SSX2IP: variants seen among roughly 807,000 people sequenced by gnomAD.
SSX2IP encodes the protein afadin- and alpha-actinin-binding protein.
SSX2IP carries 55 observed loss-of-function variants against 84.9 expected under a neutral mutation model. The ratio of observed to expected loss-of-function variants is 0.65; its 90% confidence interval spans 0.52 to 0.81. The LOEUF is 0.81. Ranked by LOEUF, SSX2IP falls within the 30% of genes least tolerant of loss-of-function variation. The pLI is 0.00. For missense variants in SSX2IP, 664 were observed against 705.2 expected (o/e 0.94, Z 0.66); for synonymous variants, 239 against 234.7 (o/e 1.02, Z -0.17).
chr1:84,661,806 ATGTGTGATAC>A (rs1196752365), intron 8 of SSX2IP, among the ~76,000 whole-genome samples: 1 of 152,224 alleles, frequency 6.6e-6, no homozygotes, highest in Non-Finnish European at 1.5e-5. Flanking sequence ...TAGCACTGTC[ATGTGTGATAC>A]TGGGCTACTA....
intron 11 of SSX2IP, among the ~76,000 whole-genome samples, chr1:84,653,312 T>C (rs1338929289): frequency 6.6e-6 from 1 of 152,202 alleles, no homozygotes; most frequent in Non-Finnish European, 1.5e-5. Flanking sequence ...TCTCTCATCC[T>C]CTAGCCATCT....
chr1:84,671,096 G>A (rs781109982), intron 2 of SSX2IP, 81 bp downstream of exon 2: 2 of 1,486,668 alleles, frequency 1.3e-6, no homozygotes, highest in Non-Finnish European at 1.8e-6. Context: ...TTCAACATCT[G>A]CAGTAATTAT....
chr1:84,677,431 C>T (rs1277937985), intron 1 of SSX2IP, among the ~76,000 whole-genome samples: 2 of 152,110 alleles, frequency 1.3e-5, no homozygotes, highest in African/African-American at 2.4e-5. Context: ...ACCCCAAAGA[C>T]GAAGAGGTTC....
chr1:84,653,836 A>C (rs547762430), intron 11 of SSX2IP, among the ~76,000 whole-genome samples: 9 of 149,606 alleles, frequency 6.0e-5, no homozygotes, highest in Non-Finnish European at 7.4e-5. Context: ...AATTCAACAG[A>C]TGAAAGAAAT....
intron 1 of SSX2IP, among the ~76,000 whole-genome samples, chr1:84,675,876 C>A (rs375120488): frequency 1.3e-5 from 2 of 152,154 alleles, no homozygotes; most frequent in East Asian, 1.9e-4. Flanking sequence ...CCCCTGCCCC[C>A]CTTTCCCTTC....
chr1:84,690,479 C>G (rs1656478253), upstream of SSX2IP: 1 of 151,938 alleles, frequency 6.6e-6, no homozygotes, highest in African/African-American at 2.4e-5. Flanking sequence ...GCGGCCCCTC[C>G]TCCGCTGCGG....
chr1:84,678,181 T>C (rs1011671373), intron 1 of SSX2IP, among the ~76,000 whole-genome samples: 6 of 152,168 alleles, frequency 3.9e-5, no homozygotes, highest in African/African-American at 1.4e-4. Context: ...AATCATTCTA[T>C]AGTATTATGG....
At chr1:84,670,299 A>T (rs1043460255) in intron 3 of SSX2IP, 1 of 178,236 alleles carries the variant, frequency 5.6e-6, no homozygotes, top group African/African-American at 2.4e-5. Flanking sequence ...AGTTAAGAAA[A>T]TGGTCAATAT....
Position 84,666,201 on chromosome 1 carries a change from A to T in SSX2IP, c.458T>A (p.Ile153Asn). The change falls in exon 5 of 14, where the codon ATT becomes AAT. Residue 153 changes from isoleucine to asparagine, a missense_variant. Ile to Asn is a moderately radical substitution (Grantham distance 149, BLOSUM62 -3). Coordinates refer to ENST00000342203, the MANE Select transcript of SSX2IP (RefSeq NM_001166293.2). ...EQLETSRREMIGLQERDRQLQ... is the reference protein window; with the variant it reads ...EQLETSRREMNGLQERDRQLQ... ...CTGTCTGTCTCTTTCCTGAAGCCCAATCATTTCCCTCCTGGAGGTTTCCAG... is the reference window on the plus strand; with the variant it reads ...CTGTCTGTCTCTTTCCTGAAGCCCATTCATTTCCCTCCTGGAGGTTTCCAG... The T allele has an allele frequency of 6.2e-7, 1 of 1,612,566 alleles. No individual in the cohort carries two copies. The highest frequency in any genetic ancestry group is 8.5e-7 in the Non-Finnish European group (1 of 1,179,228).
chr1:84,658,477 G>A lies in SSX2IP; in HGVS notation c.928-9C>T, dbSNP rs200398072. 381 of 1,612,220 alleles carry A rather than the reference G, an allele frequency of 2.4e-4. No homozygotes were observed. The African/African-American group carries it at 3.7e-3, about 16-fold the overall frequency. Reference sequence around the variant, plus strand: ...TCAACATCGGAAATAACCTACAAGCGGAGAGAGATGAAGAGGAAAGGCTAG... The same window carrying A: ...TCAACATCGGAAATAACCTACAAGCAGAGAGAGATGAAGAGGAAAGGCTAG... On this transcript the variant is annotated splice_polypyrimidine_tract_variant and intron_variant, in intron 8 of 13. Transcript: ENST00000342203.
At chr1:84,689,958 C>T in intron 1 of SSX2IP, among the ~76,000 whole-genome samples, 1 of 152,162 alleles carries the variant, frequency 6.6e-6, no homozygotes, top group East Asian at 1.9e-4. Flanking sequence ...CCCGCATGCC[C>T]CACGGCCGCT....
At position 84,643,967 on chromosome 1, in the gene SSX2IP, G is replaced by A. The variant is rs1649203605; in HGVS notation, c.*3466C>T. ...ATCCACCCACTCTAATTTACATCCA[G>A]CTTGAAAAACACTGTATTTAGAAAA... On this transcript the variant is annotated 3_prime_UTR_variant, in exon 14 of 14. Coordinates refer to ENST00000342203, the MANE Select transcript of SSX2IP (RefSeq NM_001166293.2). 6.6e-6 allele frequency: 1 copy of A among 152,032 alleles called. No homozygotes were observed. The highest frequency in any genetic ancestry group is 2.4e-5 in the African/African-American group (1 of 41,396). 9.4% of individuals were successfully genotyped at this position (152,032 alleles called of 1,614,324 possible).
chr1:84,645,208 A>G lies in SSX2IP; in HGVS notation c.*2225T>C, dbSNP rs989620585. 1 of 152,204 alleles carries G rather than the reference A, an allele frequency of 6.6e-6. No homozygotes were observed. Among genetic ancestry groups the G allele is most frequent in the Non-Finnish European group, 1.5e-5 (1 of 68,034 alleles). The allele number at this position is 152,204 out of a possible 1,614,324, so 9.4% of individuals were successfully genotyped here. A position where few individuals can be genotyped will look rare whatever the true frequency, so the allele number is the denominator to read the frequency against. On this transcript the variant is annotated 3_prime_UTR_variant, in exon 14 of 14. Transcript: ENST00000342203. ...TTGTACATTGCAAACACCTAGAAAG[A>G]GATGGGAAACAAAATCCCAGGAGTT...
At chr1:84,664,033 T>C (rs1652417843) in intron 6 of SSX2IP, among the ~76,000 whole-genome samples, 2 of 152,306 alleles carry the variant, frequency 1.3e-5, no homozygotes, top group South Asian at 4.1e-4. Context: ...CAAACTGACA[T>C]GAACGATTTG....
In SSX2IP at chr1:84,669,538, A is replaced by ATTATAAGTT. The variant is rs372507255; in HGVS notation, c.426+134_426+142dup. The ATTATAAGTT allele has an allele frequency of 3.7e-4, 246 of 662,344 alleles. No individual in the cohort carries two copies. In the African/African-American group the frequency reaches 4.1e-3, roughly 11 times the overall value. The allele number at this position is 662,344 out of a possible 1,614,324, so 41.0% of individuals were successfully genotyped here. A position where few individuals can be genotyped will look rare whatever the true frequency, so the allele number is the denominator to read the frequency against. ...GGTATTAGGAAGCAGATGTGTGTAA[A>ATTATAAGTT]TTATAAGTTCACTTTTACTTACCTG... is the stretch of plus-strand genomic sequence containing the variant. On this transcript the variant is annotated intron_variant, in intron 4 of 13. Coordinates refer to ENST00000342203, the MANE Select transcript of SSX2IP (RefSeq NM_001166293.2).
chr1:84,689,757 CTAAACCAAAGTATTTTCATGATAAAATTA>C (rs1357377698), intron 1 of SSX2IP, among the ~76,000 whole-genome samples: 1 of 152,220 alleles, frequency 6.6e-6, no homozygotes, highest in Non-Finnish European at 1.5e-5. Context: ...CTATAAAATT[CTAAACCAAAGTATTTTCATGATAAAATTA>C]TAAACCAAAG....
Position 84,647,556 on chromosome 1 carries a change from A to G in SSX2IP, c.1722T>C (p.Val574=). Residue 574 remains valine (V), a synonymous_variant, in exon 14 of 14, where the codon GTT becomes GTC. Transcript: ENST00000342203. ...ATTTTTGATTTGTACATTCTCCTCC[A>G]ACCTGATTTGGTTTAATTTCTTCAG... The part of the protein sequence containing the change: ...ITAEEIKPNQ[V]GGECTNQKWS... The G allele has an allele frequency of 6.2e-7, 1 of 1,612,742 alleles. No individual in the cohort carries two copies. Among genetic ancestry groups the G allele is most frequent in the Non-Finnish European group, 8.5e-7 (1 of 1,179,332 alleles).
At chr1:84,682,289 CTG>C (rs1655184073) in intron 1 of SSX2IP, among the ~76,000 whole-genome samples, 1 of 152,118 alleles carries the variant, frequency 6.6e-6, no homozygotes, top group Non-Finnish European at 1.5e-5. Flanking sequence ...GAGCGCTGGA[CTG>C]AGTAGCATCA....
rs1477793113 is a variant in SSX2IP, at chr1:84,662,284, G to A, written c.841C>T (p.Leu281Phe). The change falls in exon 8 of 14, where the codon CTT becomes TTT. Residue 281 changes from leucine (L) to phenylalanine (F), a missense_variant. Transcript: ENST00000342203. ...ATCATTTCCTTTTTCATTTGTTGAA[G>A]AACCTTCTTAAGTTCTGCATTTTCC... ...LMENAELKKV[L>F]QQMKKEMISL... The A allele has an allele frequency of 1.2e-6, 2 of 1,608,522 alleles. No individual in the cohort carries two copies. The highest frequency in any genetic ancestry group is 4.5e-5 in the East Asian group (2 of 44,788).
Sources: allele counts gnomAD v4.1 joint callset (sites outside exome capture counted in the v4.1 genomes callset), GRCh38; gene constraint gnomAD v4.1.1; transcripts MANE v1.5; gene names NCBI Gene and HGNC (gene_info 2026-07-23, HGNC 2026-07-21).